Variants in SDAD1 observed in about 807,000 individuals in gnomAD.
The protein encoded by SDAD1 is protein SDA1 homolog.
In SDAD1, 79 loss-of-function variants were observed where a neutral mutation model predicts 100.3. The ratio of observed to expected loss-of-function variants is 0.79; its 90% CI spans 0.66 to 0.95. The LOEUF (loss-of-function observed/expected upper bound fraction) is 0.95. Ranked by LOEUF, SDAD1 falls within the 40% of genes least tolerant of loss-of-function variation. The pLI, the probability that SDAD1 is intolerant of heterozygous loss-of-function variation, is 0.00. For missense variants in SDAD1, 790 were observed against 810.9 expected, an observed-to-expected ratio of 0.97 and a Z score of 0.31; for synonymous variants, 267 against 271.4, an observed-to-expected ratio of 0.98 and a Z score of 0.16.
chr4:75,981,255 A>G, intron 3 of SDAD1, 117 bp downstream of exon 3: 1 of 920,072 alleles, frequency 1.1e-6, no homozygotes, highest in Non-Finnish European at 1.6e-6. Flanking sequence ...AAAGGATAAT[A>G]CATTATAATT....
At chr4:75,967,844 T>G (rs964710876) in intron 11 of SDAD1, among the ~76,000 whole-genome samples, 5 of 151,796 alleles carry the variant, frequency 3.3e-5, no homozygotes, top group Non-Finnish European at 7.4e-5. Flanking sequence ...ATGGAAGGAG[T>G]TACTCTGTGC....
At chr4:75,962,265 A>G (rs1729288508) in intron 14 of SDAD1, among the ~76,000 whole-genome samples, 1 of 152,172 alleles carries the variant, frequency 6.6e-6, no homozygotes, top group Admixed American at 6.5e-5. Context: ...TCCATAGCGT[A>G]TATGTGCCAC....
At chr4:75,976,805 A>G (rs1730183152) in intron 4 of SDAD1, among the ~76,000 whole-genome samples, 1 of 152,212 alleles carries the variant, frequency 6.6e-6, no homozygotes, top group Non-Finnish European at 1.5e-5. Context: ...CTGTGAATGC[A>G]TATATCACTG....
At chr4:75,987,811 T>C (rs1282860787) in intron 1 of SDAD1, among the ~76,000 whole-genome samples, 1 of 152,194 alleles carries the variant, frequency 6.6e-6, no homozygotes, top group African/African-American at 2.4e-5. Context: ...CCCATGTTGC[T>C]AAATTTAATG....
At chr4:75,967,235 AT>A in intron 12 of SDAD1, 41 bp downstream of exon 12, 1 of 1,582,868 alleles carries the variant, frequency 6.3e-7, no homozygotes, top group Non-Finnish European at 8.7e-7. Flanking sequence ...TGTTTATTCT[AT>A]TACCAAGGCC....
At chr4:75,958,735 C>T (rs71607340) in intron 17 of SDAD1, among the ~76,000 whole-genome samples, 1 of 151,584 alleles carries the variant, frequency 6.6e-6, no homozygotes, top group Non-Finnish European at 1.5e-5. Flanking sequence ...TGGAAAGTCT[C>T]TGCTATTCTA....
chr4:75,989,587 G>A (rs967773539), intron 1 of SDAD1, among the ~76,000 whole-genome samples: 1 of 152,192 alleles, frequency 6.6e-6, no homozygotes, highest in South Asian at 2.1e-4. Flanking sequence ...CATAGGCTCA[G>A]CGATTAACCT....
chr4:75,963,778 C>T (rs1016541114), intron 14 of SDAD1, among the ~76,000 whole-genome samples: 10 of 152,208 alleles, frequency 6.6e-5, no homozygotes, highest in African/African-American at 1.9e-4. Flanking sequence ...AATGCCATGC[C>T]CTTGGACTTC....
At position 75,950,700 on chromosome 4, in the gene SDAD1, C is replaced by T. The variant is rs184602971; in HGVS notation, c.*50G>A. The T allele has an allele frequency of 4.7e-5, 62 of 1,333,004 alleles. No individual in the cohort carries two copies. The African/African-American group carries it at 7.2e-4, about 15-fold the overall frequency. 82.6% of individuals were successfully genotyped at this position (1,333,004 alleles called of 1,614,324 possible). On this transcript the variant is annotated 3_prime_UTR_variant, in exon 22 of 22. Coordinates refer to ENST00000356260, the MANE Select transcript of SDAD1 (RefSeq NM_018115.4). ...ATGCTTGATTTACCAATTTTCAGAGCAAGGACACAAACTTAGCATTCTTCT... is the reference window on the plus strand; with the variant it reads ...ATGCTTGATTTACCAATTTTCAGAGTAAGGACACAAACTTAGCATTCTTCT...
At chr4:75,980,546 T>C (rs1730442791) in intron 3 of SDAD1, among the ~76,000 whole-genome samples, 1 of 151,820 alleles carries the variant, frequency 6.6e-6, no homozygotes, top group African/African-American at 2.4e-5. Context: ...TTATTACAAG[T>C]GATTTGTTGG....
At chr4:75,969,030 C>CAAAA (rs35570189) in intron 11 of SDAD1, among the ~76,000 whole-genome samples, 27 of 64,008 alleles carry the variant, frequency 4.2e-4, no homozygotes, top group African/African-American at 7.4e-4. Flanking sequence ...GACTCTGTCT[C>CAAAA]AAAAAAAAAA....
chr4:75,960,752 A>T (rs1403798987), intron 16 of SDAD1, among the ~76,000 whole-genome samples: 1 of 152,166 alleles, frequency 6.6e-6, no homozygotes, highest in African/African-American at 2.4e-5. Flanking sequence ...CTACTGACTG[A>T]TCTTTGAGAT....
intron 1 of SDAD1, among the ~76,000 whole-genome samples, chr4:75,987,537 T>C (rs1730975505): frequency 1.3e-5 from 2 of 152,164 alleles, no homozygotes; most frequent in East Asian, 3.8e-4. Context: ...AGTTTCATCT[T>C]GTTGCCCAGG....
intron 1 of SDAD1, among the ~76,000 whole-genome samples, chr4:75,988,640 A>C (rs1731045545): frequency 6.6e-6 from 1 of 152,176 alleles, no homozygotes; most frequent in Non-Finnish European, 1.5e-5. Context: ...TGAGCATAGA[A>C]TTTTTATCGG....
chr4:75,972,547 G>A (rs988534602), intron 8 of SDAD1, among the ~76,000 whole-genome samples: 1 of 151,414 alleles, frequency 6.6e-6, no homozygotes, highest in Non-Finnish European at 1.5e-5. Context: ...TTGTTATTTA[G>A]GTTGCCATTT....
intron 13 of SDAD1, 75 bp downstream of exon 13, chr4:75,965,689 G>T: frequency 1.6e-6 from 2 of 1,229,624 alleles, no homozygotes; most frequent in Non-Finnish European, 2.4e-6. Context: ...AGGTTCCCCC[G>T]ATAGACCCTG....
chr4:75,958,058 G>T, intron 17 of SDAD1, 117 bp from the exon 18 acceptor site: 1 of 806,418 alleles, frequency 1.2e-6, no homozygotes, highest in Non-Finnish European at 2.1e-6. Context: ...TATTAACCAA[G>T]AACTGAGCAA....
chr4:75,975,661 GA>G (rs1332186323), intron 6 of SDAD1, 82 bp downstream of exon 6: 3 of 930,172 alleles, frequency 3.2e-6, no homozygotes, highest in East Asian at 2.4e-5. Flanking sequence ...TCAAGCTCAA[GA>G]AAAGTATTTG....
At chr4:75,974,280 TA>T (rs1447845529) in intron 6 of SDAD1, 147 bp from the exon 7 acceptor site, 1 of 653,994 alleles carries the variant, frequency 1.5e-6, no homozygotes, top group East Asian at 2.9e-5. Context: ...TACGAGTTGC[TA>T]AATTACTTAA....
Sources: gnomAD v4.1 joint callset for allele counts (sites outside exome capture counted in the v4.1 genomes callset) on GRCh38, gnomAD v4.1.1 for gene constraint, MANE v1.5 for transcripts, NCBI Gene and HGNC (gene_info 2026-07-23, HGNC 2026-07-21) for gene names.